Variants in FAM177B observed in about 807,000 individuals in gnomAD.
FAM177B encodes the protein family with sequence similarity 177 member B.
Under a neutral mutation model 16.1 loss-of-function variants are expected in FAM177B, and 16 were observed. The ratio of observed to expected loss-of-function variants is 0.99; its 90% CI spans 0.67 to 1.51. The LOEUF is 1.51. Ranked by LOEUF, FAM177B falls within the 40% of genes most tolerant of loss-of-function variation. The probability of loss-of-function intolerance (pLI) is 0.00; values close to 1 mark genes in which losing one functional copy is unlikely to be tolerated. For synonymous variants in FAM177B, 56 were observed against 59.9 expected (o/e 0.93, Z 0.30); for missense variants, 178 against 183.7 (o/e 0.97, Z 0.18).
chr1:222,740,685 A>C (rs541862697), intron 2 of FAM177B, among the ~76,000 whole-genome samples: 5 of 152,216 alleles, frequency 3.3e-5, no homozygotes, highest in African/African-American at 1.2e-4. Context: ...CCACCAAAAT[A>C]GTGTTTTTGG....
At chr1:222,749,189 G>A in intron 4 of FAM177B, 2 of 406,892 alleles carry the variant, frequency 4.9e-6, no homozygotes, top group Non-Finnish European at 9.5e-6. Context: ...TATACCTGTT[G>A]TTAAAGTATA....
Position 222,749,623 on chromosome 1 carries a change from T to C in FAM177B, c.339+61T>C, listed in dbSNP as rs1172099553. On this transcript the variant is annotated intron_variant, in intron 5 of 5. Coordinates refer to ENST00000445590, the MANE Select transcript of FAM177B (RefSeq NM_001394345.1). ...ATGGGAATATTGGTTGCTCCAAATT[T>C]AGGCCAGTATAGAGAAGTATTTTTC... The C allele has an allele frequency of 7.1e-6, 7 of 988,350 alleles. No homozygotes were observed. In the Admixed American group the frequency reaches 1.5e-4, roughly 21 times the overall value. 61.2% of individuals were successfully genotyped at this position (988,350 alleles called of 1,614,324 possible).
chr1:222,750,033 A>G lies in FAM177B; in HGVS notation c.452A>G (p.Asp151Gly). Reference protein sequence around the residue: ...GVQEYGTIQQDVTEAIPQ With the variant: ...GVQEYGTIQQGVTEAIPQ ...CAAGAGTATGGAACCATACAACAGG[A>G]TGTGACAGAGGCCATTCCTCAGTGA... The change falls in exon 6 of 6, where the codon GAT becomes GGT. Residue 151 changes from aspartate (D) to glycine (G), a missense_variant. Physicochemically the swap from Asp to Gly is moderately conservative, Grantham distance 94 (BLOSUM62 -1). Transcript: ENST00000445590. The G allele has an allele frequency of 6.2e-7, 1 of 1,613,834 alleles. No individual in the cohort carries two copies. Among genetic ancestry groups the G allele is most frequent in the Admixed American group, 1.7e-5 (1 of 59,982 alleles).
intron 2 of FAM177B, chr1:222,739,606 T>G (rs1658435957): frequency 6.6e-6 from 1 of 152,188 alleles, no homozygotes; most frequent in African/African-American, 2.4e-5. Flanking sequence ...TAGCTAATAT[T>G]GGATGTATAA....
At chr1:222,739,028 C>T (rs1215272128) in intron 2 of FAM177B, among the ~76,000 whole-genome samples, 2 of 152,078 alleles carry the variant, frequency 1.3e-5, no homozygotes, top group African/African-American at 4.8e-5. Context: ...TCATAAAGAA[C>T]GAAGACTGGT....
In FAM177B at chr1:222,749,365, A is replaced by C. The variant is rs986220230; in HGVS notation, c.242-100A>C. 1.5e-5 allele frequency: 10 copies of C among 661,110 alleles called. No homozygotes were observed. In the African/African-American group the frequency reaches 1.8e-4, roughly 12 times the overall value. 41.0% of individuals were successfully genotyped at this position (661,110 alleles called of 1,614,324 possible). ...AAGTTAAGTATAGTAATAGACCACT[A>C]TTACTATACTATCAGAATAGTTTAA... On this transcript the variant is annotated intron_variant, in intron 4 of 5. Transcript: ENST00000445590.
intron 5 of FAM177B, 42 bp downstream of exon 5, chr1:222,749,604 A>G: frequency 8.3e-7 from 1 of 1,210,012 alleles, no homozygotes; most frequent in Non-Finnish European, 1.2e-6. Context: ...TGAGATGGGA[A>G]TATTGGTTGC....
chr1:222,746,248 G>A (rs1485895723), intron 2 of FAM177B, among the ~76,000 whole-genome samples: 1 of 152,232 alleles, frequency 6.6e-6, no homozygotes, highest in Non-Finnish European at 1.5e-5. Flanking sequence ...CTGCAGGATA[G>A]TGACCCCTTC....
chr1:222,740,845 G>A (rs186758700), intron 2 of FAM177B, among the ~76,000 whole-genome samples: 1 of 151,026 alleles, frequency 6.6e-6, no homozygotes, highest in African/African-American at 2.4e-5. Context: ...GACTACAGGC[G>A]CCCACCACTA....
intron 2 of FAM177B, chr1:222,739,674 C>T (rs1021527314): frequency 5.3e-5 from 8 of 152,230 alleles, no homozygotes; most frequent in Admixed American, 2.0e-4. Context: ...CAAGAGAACA[C>T]TTCCACGTCA....
chr1:222,746,124 A>C (rs1002533675), intron 2 of FAM177B, among the ~76,000 whole-genome samples: 4 of 152,324 alleles, frequency 2.6e-5, no homozygotes, highest in Middle Eastern at 3.4e-3. Flanking sequence ...TCTGAAAATA[A>C]GTCCTTTACC....
chr1:222,748,937 T>C, intron 4 of FAM177B: 1 of 453,778 alleles, frequency 2.2e-6, no homozygotes, highest in Non-Finnish European at 4.5e-6. Context: ...GCTATGCCTT[T>C]ATCCCTGACT....
chr1:222,746,412 G>A (rs549134546), intron 2 of FAM177B, 119 bp from the exon 3 acceptor site: 3 of 506,846 alleles, frequency 5.9e-6, no homozygotes, highest in African/African-American at 1.9e-5. Flanking sequence ...TTGAGGAATC[G>A]ATGAGGTCAC....
At chr1:222,747,212 C>A in intron 4 of FAM177B, 131 bp downstream of exon 4, 1 of 658,330 alleles carries the variant, frequency 1.5e-6, no homozygotes, top group Non-Finnish European at 2.7e-6. Flanking sequence ...CTGGGCTAAG[C>A]TTTCATTCCC....
intron 2 of FAM177B, among the ~76,000 whole-genome samples, chr1:222,743,694 G>A (rs1431585885): frequency 6.6e-6 from 1 of 152,172 alleles, no homozygotes; most frequent in Non-Finnish European, 1.5e-5. Context: ...TTGTTGCTAG[G>A]AGATAGCAAA....
chr1:222,742,793 G>A (rs1558247596), intron 2 of FAM177B, among the ~76,000 whole-genome samples: 2 of 138,334 alleles, frequency 1.4e-5, no homozygotes, highest in Non-Finnish European at 3.2e-5. Flanking sequence ...TCCAACCTAC[G>A]ACTATGCGAC....
intron 2 of FAM177B, among the ~76,000 whole-genome samples, chr1:222,744,500 C>G: frequency 6.8e-6 from 1 of 148,084 alleles, no homozygotes; most frequent in South Asian, 2.1e-4. Flanking sequence ...GGCAAAAATA[C>G]ATGTGTACGT....
chr1:222,749,441 G>T (rs374953254), intron 4 of FAM177B, 24 bp from the exon 5 acceptor site: 78 of 1,418,454 alleles, frequency 5.5e-5, no homozygotes, highest in Admixed American at 1.2e-4. Flanking sequence ...TTCAGTTTAC[G>T]CAAGTGCTCG....
intron 2 of FAM177B, among the ~76,000 whole-genome samples, chr1:222,741,421 T>C (rs1558246593): frequency 6.6e-6 from 1 of 152,172 alleles, no homozygotes; most frequent in African/African-American, 2.4e-5. Context: ...TAGAATTTCC[T>C]ATTATTAATC....
Sources: gnomAD v4.1 joint callset for allele counts (sites outside exome capture counted in the v4.1 genomes callset) on GRCh38, gnomAD v4.1.1 for gene constraint, MANE v1.5 for transcripts, NCBI Gene and HGNC (gene_info 2026-07-23, HGNC 2026-07-21) for gene names.